The following CTIF variants were observed in gnomAD, a reference collection of about 807,000 sequenced individuals.
CTIF encodes CBP80/20-dependent translation initiation factor.
CTIF carries 21 observed loss-of-function variants against 66.0 expected under a neutral mutation model. That is an observed-to-expected ratio of 0.32 (90% CI 0.23 to 0.46). The LOEUF (loss-of-function observed/expected upper bound fraction) is 0.46. Among genes scored for constraint, CTIF ranks in the 20% least tolerant of loss-of-function variants. CTIF has a pLI of 1.00. For synonymous variants in CTIF, 345 were observed against 326.4 expected (o/e 1.06, Z -0.62); for missense variants, 739 against 812.7 (o/e 0.91, Z 1.10).
chr18:48,687,351 C>G (rs2091857607), intron 6 of CTIF, among the ~76,000 whole-genome samples: 1 of 146,648 alleles, frequency 6.8e-6, no homozygotes, highest in Non-Finnish European at 1.5e-5. Context: ...CACACACACA[C>G]CAAGCTTACC....
chr18:48,593,450 G>A (rs1234959994), intron 1 of CTIF, among the ~76,000 whole-genome samples: 3 of 149,202 alleles, frequency 2.0e-5, no homozygotes, highest in African/African-American at 7.4e-5. Context: ...GCGCGATCTC[G>A]GCTCACTGCA....
At chr18:48,714,296 C>T (rs1028813506) in intron 7 of CTIF, among the ~76,000 whole-genome samples, 8 of 152,248 alleles carry the variant, frequency 5.3e-5, no homozygotes, top group African/African-American at 1.9e-4. Context: ...TTCCTGGGCA[C>T]GCATGGTGGC....
intron 3 of CTIF, among the ~76,000 whole-genome samples, chr18:48,653,571 A>T (rs546699678): frequency 6.6e-6 from 1 of 152,244 alleles, no homozygotes; most frequent in South Asian, 2.1e-4. Flanking sequence ...TATAGATTCA[A>T]TGCCATCCCC....
chr18:48,737,642 A>C (rs903718399), intron 7 of CTIF, among the ~76,000 whole-genome samples: 5 of 152,242 alleles, frequency 3.3e-5, no homozygotes, highest in African/African-American at 1.2e-4. Flanking sequence ...AGTAAGAAAA[A>C]GTATATGTAG....
intron 9 of CTIF, among the ~76,000 whole-genome samples, chr18:48,762,718 G>A (rs530611406): frequency 6.6e-6 from 1 of 152,374 alleles, no homozygotes; most frequent in East Asian, 1.9e-4. Flanking sequence ...ACTTGTGAAA[G>A]TCAAAGGGGG....
rs1027477453 is a variant in CTIF at position 48,636,632 on chromosome 18, G to A, written c.199G>A (p.Glu67Lys). Residue 67 changes from glutamate (E) to lysine (K), a missense_variant, in exon 3 of 12, where the codon GAA becomes AAA. Around this residue, in one of 2 missense-constraint regions of CTIF, gnomAD observed 529 missense variants for 520.3 expected, o/e 1.02. Transcript: ENST00000256413. ...HISQWTADCS[E>K]PLDSSCSFSR... is the part of the protein sequence containing the mutation. ...TCTGCAGTGGACAGCGGACTGCAGC[G>A]AACCGCTGGACAGCAGCTGTTCCTT... 6.3e-6 allele frequency: 10 copies of A among 1,591,338 alleles called. No homozygotes were observed. The highest frequency in any genetic ancestry group is 2.3e-5 in the East Asian group (1 of 43,458).
intron 9 of CTIF, among the ~76,000 whole-genome samples, chr18:48,798,504 G>T (rs1341816537): frequency 6.6e-6 from 1 of 152,218 alleles, no homozygotes; most frequent in Non-Finnish European, 1.5e-5. Flanking sequence ...GTCTGCACTT[G>T]CTACTGAGTG....
At chr18:48,797,264 C>T (rs1174644962) in intron 9 of CTIF, among the ~76,000 whole-genome samples, 1 of 152,206 alleles carries the variant, frequency 6.6e-6, no homozygotes, top group Non-Finnish European at 1.5e-5. Context: ...GGGCAGATCA[C>T]TTGAGGCCAG....
At chr18:48,843,531 TGGCCCTGAGGCCCCATTTATAATGGG>T (rs1275099632) in intron 10 of CTIF, among the ~76,000 whole-genome samples, 21 of 152,112 alleles carry the variant, frequency 1.4e-4, no homozygotes, top group Non-Finnish European at 2.6e-4. Flanking sequence ...AGCCCCTAGA[TGGCCCTGAGGCCCCATTTATAATGGG>T]GGCCCTGAGG....
intron 3 of CTIF, among the ~76,000 whole-genome samples, chr18:48,656,285 G>A (rs148141220): frequency 0.017 from 2,529 of 152,338 alleles, 28 homozygotes; most frequent in African/African-American, 0.023. Context: ...GTTAGAGCAT[G>A]GCCTCTGGGC....
chr18:48,603,147 T>TGGAG (rs2090128911), intron 1 of CTIF, among the ~76,000 whole-genome samples: 3 of 141,094 alleles, frequency 2.1e-5, no homozygotes, highest in Admixed American at 2.1e-4. Flanking sequence ...AGTGGATGGA[T>TGGAG]GGATGGATGG....
intron 3 of CTIF, among the ~76,000 whole-genome samples, chr18:48,649,221 T>G (rs577798987): frequency 6.6e-6 from 1 of 152,126 alleles, no homozygotes; most frequent in African/African-American, 2.4e-5. Flanking sequence ...CCATGACAGA[T>G]GGTACCTGGA....
intron 9 of CTIF, among the ~76,000 whole-genome samples, chr18:48,812,952 T>G (rs1030767580): frequency 1.3e-5 from 2 of 152,144 alleles, no homozygotes; most frequent in Admixed American, 1.3e-4. Context: ...TTTTGAAAAC[T>G]TCTCTAATTC....
chr18:48,859,488 A>G lies in CTIF; in HGVS notation c.1726A>G (p.Asn576Asp). ...CCTAGAGGTCATCGAGCTCCACGCT[A>G]ACAGCTGGAACCCTCTGACGCCCCC... ...LLLEVIELHANSWNPLTPPIT... is the reference protein window; with the variant it reads ...LLLEVIELHADSWNPLTPPIT... The change falls in exon 12 of 12, where the codon AAC becomes GAC. Residue 576 changes from asparagine (N) to aspartate (D), a missense_variant. Asn to Asp is a conservative substitution (Grantham distance 23, BLOSUM62 1). Transcript: ENST00000256413. The G allele has an allele frequency of 6.2e-7, 1 of 1,614,156 alleles. No individual in the cohort carries two copies. Among genetic ancestry groups the G allele is most frequent in the Non-Finnish European group, 8.5e-7 (1 of 1,180,026 alleles).
chr18:48,619,799 AG>A, intron 2 of CTIF, 54 bp downstream of exon 2: 1 of 1,431,532 alleles, frequency 7.0e-7, no homozygotes, highest in Non-Finnish European at 9.3e-7. Context: ...GGGGTGATGC[AG>A]GAGCCCCTAA....
chr18:48,747,304 G>A (rs541404730), intron 7 of CTIF, among the ~76,000 whole-genome samples: 15 of 152,292 alleles, frequency 9.8e-5, no homozygotes, highest in South Asian at 6.2e-4. Context: ...AGCCTCCAGC[G>A]CCCCATCTTC....
In CTIF at chr18:48,859,782, A is replaced by C; in HGVS notation, c.*223A>C. On this transcript the variant is annotated 3_prime_UTR_variant, in exon 12 of 12. Transcript: ENST00000256413. ...AGCCCGAGCATGCAAGCTCACACCAATAAGGGAAGCATGTTTCTTTTTCCT... is the reference window on the plus strand; with the variant it reads ...AGCCCGAGCATGCAAGCTCACACCACTAAGGGAAGCATGTTTCTTTTTCCT... 7.3e-6 allele frequency: 5 copies of C among 683,722 alleles called. No individual in the cohort carries two copies. The highest frequency in any genetic ancestry group is 8.0e-6 in the Non-Finnish European group (3 of 373,222). 42.4% of individuals were successfully genotyped at this position (683,722 alleles called of 1,614,324 possible). A position where few individuals can be genotyped will look rare whatever the true frequency, so the allele number is the denominator to read the frequency against.
At chr18:48,728,380 G>A (rs770042099) in intron 7 of CTIF, among the ~76,000 whole-genome samples, 15 of 152,292 alleles carry the variant, frequency 9.8e-5, no homozygotes, top group Non-Finnish European at 1.9e-4. Flanking sequence ...AGTACCCAAA[G>A]CTGTATTAGT....
At chr18:48,745,766 A>T (rs1199846457) in intron 7 of CTIF, among the ~76,000 whole-genome samples, 1 of 152,232 alleles carries the variant, frequency 6.6e-6, no homozygotes, top group East Asian at 1.9e-4. Context: ...AAGGTTCTAG[A>T]CAAAGAAACT....
Sources: allele counts gnomAD v4.1 joint callset (sites outside exome capture counted in the v4.1 genomes callset), GRCh38; gene constraint gnomAD v4.1.1; regional missense constraint gnomAD v4.1.1; transcripts MANE v1.5; gene names NCBI Gene and HGNC (gene_info 2026-07-23, HGNC 2026-07-21).